Variants in CNNM2 observed in about 807,000 individuals in gnomAD.
CNNM2 encodes the protein metal transporter CNNM2.
CNNM2 carries 12 observed loss-of-function variants against 66.9 expected under a neutral mutation model. The ratio of observed to expected loss-of-function variants is 0.18; its 90% CI spans 0.11 to 0.29. The LOEUF (loss-of-function observed/expected upper bound fraction) is 0.29, where lower values mean the gene tolerates loss of function less well. Ranked by LOEUF, CNNM2 falls within the 10% of genes least tolerant of loss-of-function variation. The probability of loss-of-function intolerance (pLI) is 1.00; values close to 1 mark genes in which losing one functional copy is unlikely to be tolerated. For missense variants in CNNM2, 705 were observed against 1,167.7 expected (o/e 0.60, Z 5.77); for synonymous variants, 557 against 501.8 (o/e 1.11, Z -1.47).
Position 102,919,077 on chromosome 10 carries a change from C to T in CNNM2, c.597C>T (p.Ala199=). 3.1e-6 allele frequency: 5 copies of T among 1,612,136 alleles called. No homozygotes were observed. The highest frequency in any genetic ancestry group is 3.4e-6 in the Non-Finnish European group (4 of 1,179,370). The change falls in exon 1 of 8, where the codon GCC becomes GCT. Residue 199 remains alanine, a synonymous_variant. Transcript: ENST00000369878. ...TGTGCACGTCGCTCTCCACGCCCGC[C>T]CTGGGCGCCGGCGGCTCGGGGTCCA... ...YYLCTSLSTP[A]LGAGGSGSTG...
At chr10:103,030,441 A>G (rs1036819810) in intron 1 of CNNM2, among the ~76,000 whole-genome samples, 8 of 152,178 alleles carry the variant, frequency 5.3e-5, no homozygotes, top group Non-Finnish European at 8.8e-5. Context: ...TTGGCTGGAC[A>G]TGGTGGCTCA....
Position 103,086,363 on chromosome 10 carries a change from CAT to C in CNNM2, c.*9185_*9186del, listed in dbSNP as rs1449615031. 2 of 152,198 alleles carry C rather than the reference CAT, an allele frequency of 1.3e-5. No homozygotes were observed. Among genetic ancestry groups the C allele is most frequent in the African/African-American group, 4.8e-5 (2 of 41,446 alleles). The allele number at this position is 152,198 out of a possible 1,614,324, so 9.4% of individuals were successfully genotyped here. A position where few individuals can be genotyped will look rare whatever the true frequency, so the allele number is the denominator to read the frequency against. ...GTTAACTGTATGGCAATAGCTAGAT[CAT>C]AGTTACCATTTTTCCCACCATCAAA... is the stretch of plus-strand genomic sequence containing the variant. On this transcript the variant is annotated 3_prime_UTR_variant, in exon 8 of 8. Coordinates refer to ENST00000369878, the MANE Select transcript of CNNM2 (RefSeq NM_017649.5).
At chr10:102,947,640 A>G (rs1005852546) in intron 1 of CNNM2, among the ~76,000 whole-genome samples, 7 of 152,132 alleles carry the variant, frequency 4.6e-5, no homozygotes, top group Admixed American at 1.3e-4. Flanking sequence ...AATCCCAGCT[A>G]CTTGGGAGGC....
chr10:102,920,223 T>C, intron 1 of CNNM2, 122 bp downstream of exon 1: 2 of 1,592,552 alleles, frequency 1.3e-6, no homozygotes, highest in Non-Finnish European at 1.7e-6. Context: ...TCCTTCTCCC[T>C]CTTAATTGCA....
chr10:102,980,865 ATC>A (rs1475549734), intron 1 of CNNM2, among the ~76,000 whole-genome samples: 6 of 152,202 alleles, frequency 3.9e-5, no homozygotes, highest in Admixed American at 2.0e-4. Flanking sequence ...TCCTTCATAA[ATC>A]TCTTTTTCTT....
At chr10:103,035,210 T>G (rs2064913468) in intron 1 of CNNM2, among the ~76,000 whole-genome samples, 1 of 152,178 alleles carries the variant, frequency 6.6e-6, no homozygotes, top group East Asian at 1.9e-4. Flanking sequence ...CGTTTATCAT[T>G]CTTATAAACG....
Position 102,942,890 on chromosome 10 carries a change from A to G in CNNM2, c.1621+22789A>G, listed in dbSNP as rs570077847. On this transcript the variant is annotated intron_variant, in intron 1 of 7. Coordinates refer to ENST00000369878, the MANE Select transcript of CNNM2 (RefSeq NM_017649.5). The stretch of plus-strand genomic sequence containing the variant: ...GGAGATTATTATTTTAAGTGAAAAG[A>G]GCAACATGGTTTCAACTGTGTTTTA... Among the ~76,000 whole-genome samples the G allele has an allele frequency of 2.0e-5, 3 of 152,314 alleles. No homozygotes were observed. In the South Asian group the frequency reaches 6.2e-4, roughly 32 times the overall value.
intron 1 of CNNM2, among the ~76,000 whole-genome samples, chr10:102,973,786 T>C (rs1207450761): frequency 6.6e-6 from 1 of 152,022 alleles, no homozygotes; most frequent in Non-Finnish European, 1.5e-5. Context: ...CAATTTTGCA[T>C]TGATAAGCTA....
In CNNM2 at chr10:103,068,505, T is replaced by C. The variant is rs369907628; in HGVS notation, c.2074-124T>C. The C allele has an allele frequency of 2.8e-5, 22 of 786,982 alleles. No homozygotes were observed. Among genetic ancestry groups the C allele is most frequent in the East Asian group, 2.7e-4 (10 of 37,210 alleles). 48.7% of individuals were successfully genotyped at this position (786,982 alleles called of 1,614,324 possible). A position where few individuals can be genotyped will look rare whatever the true frequency, so the allele number is the denominator to read the frequency against. ...CAGTGGGAAAGATGAGCTGAAGCTT[T>C]ACTCCCTCGATAGTGTTGGGAAAAG... On this transcript the variant is annotated intron_variant, in intron 4 of 7. Coordinates refer to ENST00000369878, the MANE Select transcript of CNNM2 (RefSeq NM_017649.5).
At chr10:102,969,128 T>A (rs963552566) in intron 1 of CNNM2, among the ~76,000 whole-genome samples, 1 of 151,658 alleles carries the variant, frequency 6.6e-6, no homozygotes, top group Non-Finnish European at 1.5e-5. Context: ...TTGTCCAGGC[T>A]AGTTTTGAAC....
At chr10:102,946,957 A>G (rs1291311305) in intron 1 of CNNM2, among the ~76,000 whole-genome samples, 1 of 152,210 alleles carries the variant, frequency 6.6e-6, no homozygotes, top group Non-Finnish European at 1.5e-5. Context: ...TTCCCCTTCA[A>G]ATACAATTCT....
At chr10:103,066,460 C>G (rs1020205746) in intron 4 of CNNM2, among the ~76,000 whole-genome samples, 10 of 152,178 alleles carry the variant, frequency 6.6e-5, no homozygotes, top group African/African-American at 1.7e-4. Context: ...GTGGCTGCCA[C>G]CCTCGTGGAA....
At chr10:102,936,517 C>CTT (rs34398870) in intron 1 of CNNM2, among the ~76,000 whole-genome samples, 8 of 123,806 alleles carry the variant, frequency 6.5e-5, no homozygotes, top group African/African-American at 2.4e-4. Context: ...AAACTCTTTG[C>CTT]TTTTTTTTTT....
chr10:102,962,534 A>T (rs969147124), intron 1 of CNNM2, among the ~76,000 whole-genome samples: 16 of 152,212 alleles, frequency 1.1e-4, no homozygotes, highest in Non-Finnish European at 2.9e-5. Context: ...AGCATTATTC[A>T]TACTAGAAAA....
chr10:103,076,192 C>G lies in CNNM2; in HGVS notation c.2340C>G (p.Asn780Lys). The G allele has an allele frequency of 1.3e-6, 2 of 1,598,974 alleles. No homozygotes were observed. Among genetic ancestry groups the G allele is most frequent in the Non-Finnish European group, 1.7e-6 (2 of 1,172,690 alleles). ...CACCAACACTGGGGAGCAGCAATAA[C>G]CAGCTCAATTCTTCGCTCCTCCAAG... ...AVTPTLGSSN[N>K]QLNSSLLQVY... The change falls in exon 7 of 8, where the codon AAC (asparagine) becomes AAG (lysine). Residue 780 changes from asparagine to lysine, a missense_variant. Asn to Lys is a moderately conservative substitution (Grantham distance 94, BLOSUM62 0). Coordinates refer to ENST00000369878, the MANE Select transcript of CNNM2 (RefSeq NM_017649.5).
Position 102,918,377 on chromosome 10 carries a change from G to A in CNNM2, c.-104G>A. The A allele has an allele frequency of 6.6e-7, 1 of 1,517,010 alleles. No individual in the cohort carries two copies. Among genetic ancestry groups the A allele is most frequent in the Non-Finnish European group, 8.8e-7 (1 of 1,139,080 alleles). The allele number at this position is 1,517,010 out of a possible 1,614,324, so 94.0% of individuals were successfully genotyped here. A position where few individuals can be genotyped will look rare whatever the true frequency, so the allele number is the denominator to read the frequency against. ...GTGTCAGTCAGGGAGGCGAACTGCT[G>A]AGCACTGGCCGCGGACGCTCCGTTG... On this transcript the variant is annotated 5_prime_UTR_variant, in exon 1 of 8. Transcript: ENST00000369878. The surrounding 1 kb of genome is among the most constrained non-coding windows in gnomAD (Gnocchi z 4.1).
chr10:103,040,582 G>GTGT (rs1372140475), intron 1 of CNNM2, among the ~76,000 whole-genome samples: 1 of 152,218 alleles, frequency 6.6e-6, no homozygotes, highest in Non-Finnish European at 1.5e-5. Flanking sequence ...AGAAACAGGA[G>GTGT]TGTTGGCCGT....
At chr10:102,978,698 C>T (rs901637233) in intron 1 of CNNM2, among the ~76,000 whole-genome samples, 3 of 152,158 alleles carry the variant, frequency 2.0e-5, no homozygotes, top group African/African-American at 7.2e-5. Flanking sequence ...AGTGAATTTT[C>T]GCAAACTGGT....
chr10:103,029,092 G>A (rs974241980), intron 1 of CNNM2, among the ~76,000 whole-genome samples: 19 of 151,504 alleles, frequency 1.3e-4, no homozygotes, highest in African/African-American at 4.4e-4. Context: ...AAAATGCTGG[G>A]ATTACAGGCA....
Sources: gnomAD v4.1 joint callset for allele counts (sites outside exome capture counted in the v4.1 genomes callset) on GRCh38, gnomAD v4.1.1 for gene constraint, Gnocchi (gnomAD v3.1) non-coding constraint, MANE v1.5 for transcripts, NCBI Gene and HGNC (gene_info 2026-07-23, HGNC 2026-07-21) for gene names.